The following NRG1 variants were observed in gnomAD, a reference collection of about 807,000 sequenced individuals.
NRG1 encodes neuregulin 1.
In NRG1, 18 loss-of-function variants were observed where a neutral mutation model predicts 63.8. The ratio of observed to expected loss-of-function variants is 0.28; its 90% CI spans 0.19 to 0.42. The LOEUF is 0.42. Ranked by LOEUF, NRG1 falls within the 10% of genes least tolerant of loss-of-function variation. NRG1 has a pLI of 1.00. For synonymous variants in NRG1, 302 were observed against 301.3 expected, an observed-to-expected ratio of 1.00 and a Z score of -0.02; for missense variants, 762 against 814.7, an observed-to-expected ratio of 0.94 and a Z score of 0.79.
intron 1 of NRG1, among the ~76,000 whole-genome samples, chr8:32,356,969 A>G (rs1252774974): frequency 2.0e-5 from 3 of 152,222 alleles, no homozygotes; most frequent in Non-Finnish European, 4.4e-5. Flanking sequence ...CTGAAATCCT[A>G]TGGATTAAAT....
At chr8:31,885,558 A>G (rs2129613252) in intron 1 of NRG1, among the ~76,000 whole-genome samples, 1 of 152,262 alleles carries the variant, frequency 6.6e-6, no homozygotes, top group East Asian at 1.9e-4. Flanking sequence ...AGAGAAGATG[A>G]TACCCATAGC....
chr8:32,719,239 A>C (rs544659367), intron 5 of NRG1, among the ~76,000 whole-genome samples: 1 of 152,098 alleles, frequency 6.6e-6, no homozygotes, highest in Non-Finnish European at 1.5e-5. Flanking sequence ...TGCATTTTTA[A>C]ATTTTAAATA....
intron 4 of NRG1, 46 bp downstream of exon 4, chr8:32,614,610 C>G: frequency 6.3e-7 from 1 of 1,576,878 alleles, no homozygotes; most frequent in Non-Finnish European, 8.7e-7. Context: ...GAATGACAAC[C>G]ATAACTGCTG....
At chr8:31,778,587 C>T (rs1026540379) in intron 1 of NRG1, among the ~76,000 whole-genome samples, 12 of 152,122 alleles carry the variant, frequency 7.9e-5, no homozygotes, top group South Asian at 4.1e-4. Flanking sequence ...CAACACTGAA[C>T]GTAGAAATGC....
intron 5 of NRG1, among the ~76,000 whole-genome samples, chr8:32,707,452 A>C (rs1816711942): frequency 6.6e-6 from 1 of 152,066 alleles, no homozygotes; most frequent in African/African-American, 2.4e-5. Context: ...TTGAGGGGAG[A>C]AGGAAAGAAT....
At chr8:32,297,072 G>A (rs371201136) in intron 1 of NRG1, among the ~76,000 whole-genome samples, 76 of 151,892 alleles carry the variant, frequency 5.0e-4, no homozygotes, top group African/African-American at 1.7e-3. Flanking sequence ...CCAAGATCGC[G>A]CCACTGCACT....
At chr8:32,529,017 A>C (rs1411085579) in intron 1 of NRG1, among the ~76,000 whole-genome samples, 1 of 152,248 alleles carries the variant, frequency 6.6e-6, no homozygotes, top group Non-Finnish European at 1.5e-5. Flanking sequence ...ACGTTCTGAG[A>C]AATGTGTCAT....
intron 1 of NRG1, among the ~76,000 whole-genome samples, chr8:31,994,653 CA>C (rs59019886): frequency 0.15 from 9,053 of 61,068 alleles, 153 homozygotes; most frequent in East Asian, 0.44. Flanking sequence ...TACTCTGTCT[CA>C]AAAAAAAAAA....
chr8:32,673,514 C>T (rs1806247078), intron 5 of NRG1, among the ~76,000 whole-genome samples: 1 of 152,152 alleles, frequency 6.6e-6, no homozygotes, highest in South Asian at 2.1e-4. Context: ...CCACTTCCAG[C>T]ATTTTCTTTT....
At chr8:32,525,039 C>G (rs962252566) in intron 1 of NRG1, among the ~76,000 whole-genome samples, 1 of 152,192 alleles carries the variant, frequency 6.6e-6, no homozygotes, top group South Asian at 2.1e-4. Context: ...TGCCGATTTA[C>G]CGCTGAAACC....
At position 31,819,077 on chromosome 8, in the gene NRG1, T is replaced by A. The variant is rs1053316065; in HGVS notation, c.37+179646T>A. On this transcript the variant is annotated intron_variant, in intron 1 of 10. Transcript: ENST00000519301. ...TCAAAAACAAAACAAAACAAAAACT[T>A]AAAGAGTTATTTGAGCCGGACACAG... Among the ~76,000 whole-genome samples the A allele has an allele frequency of 6.2e-5, 9 of 144,240 alleles. No individual in the cohort carries two copies. In the East Asian group the frequency reaches 1.8e-3, roughly 29 times the overall value. 94.6% of individuals were successfully genotyped at this position (144,240 alleles called of 152,430 possible).
At chr8:32,090,599 G>C (rs1440267127) in intron 1 of NRG1, among the ~76,000 whole-genome samples, 6 of 152,126 alleles carry the variant, frequency 3.9e-5, no homozygotes, top group African/African-American at 1.4e-4. Flanking sequence ...GAGATTACAG[G>C]CGTGAGCCAC....
At chr8:31,776,193 A>G (rs1013111722) in intron 1 of NRG1, among the ~76,000 whole-genome samples, 6 of 152,192 alleles carry the variant, frequency 3.9e-5, no homozygotes, top group African/African-American at 1.2e-4. Flanking sequence ...AAGCCCTCAG[A>G]GGGTTGTAGG....
chr8:32,370,491 A>G (rs1035613244), intron 1 of NRG1, among the ~76,000 whole-genome samples: 1 of 152,124 alleles, frequency 6.6e-6, no homozygotes, highest in Non-Finnish European at 1.5e-5. Flanking sequence ...TATTACATAT[A>G]TTTTCATTCA....
intron 1 of NRG1, among the ~76,000 whole-genome samples, chr8:32,035,586 G>T (rs1170730139): frequency 1.3e-5 from 2 of 152,150 alleles, no homozygotes; most frequent in Non-Finnish European, 2.9e-5. Flanking sequence ...AAGTCTCTTT[G>T]TATGTCTCAA....
chr8:32,486,719 G>A (rs1292363328), intron 1 of NRG1, among the ~76,000 whole-genome samples: 1 of 151,116 alleles, frequency 6.6e-6, no homozygotes, highest in African/African-American at 2.4e-5. Flanking sequence ...CCACCTCCTG[G>A]GTTCAAGCAG....
At chr8:32,011,443 G>T (rs1387626446) in intron 1 of NRG1, among the ~76,000 whole-genome samples, 4 of 152,056 alleles carry the variant, frequency 2.6e-5, no homozygotes, top group Non-Finnish European at 5.9e-5. Context: ...GTAAGGTTAG[G>T]CATTCATCAA....
chr8:31,900,486 G>C lies in NRG1; in HGVS notation c.37+261055G>C, dbSNP rs188394543. Among the ~76,000 whole-genome samples, 78 of 152,280 alleles carry C rather than the reference G, an allele frequency of 5.1e-4. 1 individual carries two copies. Among genetic ancestry groups the C allele is most frequent in the African/African-American group, 1.6e-3 (67 of 41,562 alleles). Reference sequence around the variant, plus strand: ...ATTATACTAAGTAGAGAAGTTGTCTGACAAATAGGTAAGTATAAAAATCAG... The same window carrying C: ...ATTATACTAAGTAGAGAAGTTGTCTCACAAATAGGTAAGTATAAAAATCAG... On this transcript the variant is annotated intron_variant, in intron 1 of 10. Transcript: ENST00000519301.
intron 2 of NRG1, 130 bp downstream of exon 2, chr8:32,596,135 A>G (rs187959051): frequency 3.4e-5 from 24 of 703,474 alleles, no homozygotes; most frequent in Admixed American, 6.7e-5. Flanking sequence ...CTGTTTCATT[A>G]TATAATGACA....
Sources: allele counts gnomAD v4.1 joint callset (sites outside exome capture counted in the v4.1 genomes callset), GRCh38; gene constraint gnomAD v4.1.1; transcripts MANE v1.5; gene names NCBI Gene and HGNC (gene_info 2026-07-23, HGNC 2026-07-21).